The following PDS5A variants were observed in gnomAD, a reference collection of about 807,000 sequenced individuals.
The protein encoded by PDS5A is PDS5 cohesin associated factor A.
In PDS5A, 42 loss-of-function variants were observed where a neutral mutation model predicts 167.1. The ratio of observed to expected loss-of-function variants is 0.25; its 90% CI spans 0.20 to 0.33. PDS5A has a LOEUF of 0.33. Ranked by LOEUF, PDS5A falls within the 10% of genes least tolerant of loss-of-function variation. The probability of loss-of-function intolerance (pLI) is 1.00; values close to 1 mark genes in which losing one functional copy is unlikely to be tolerated. For synonymous variants in PDS5A, 553 were observed against 554.6 expected (o/e 1.00, Z 0.04); for missense variants, 1,033 against 1,605.9 (o/e 0.64, Z 6.10).
intron 26 of PDS5A, among the ~76,000 whole-genome samples, chr4:39,858,869 C>T (rs1243261058): frequency 1.3e-5 from 2 of 152,180 alleles, no homozygotes; most frequent in East Asian, 3.9e-4. Flanking sequence ...AGGTGATCCA[C>T]TGTGCCCGGC....
At chr4:39,859,455 T>G (rs1718804824) in intron 26 of PDS5A, among the ~76,000 whole-genome samples, 1 of 152,058 alleles carries the variant, frequency 6.6e-6, no homozygotes, top group African/African-American at 2.4e-5. Flanking sequence ...ATGAAAAACA[T>G]TAGTTGGAAC....
At chr4:39,948,805 A>G (rs189124788) in intron 2 of PDS5A, among the ~76,000 whole-genome samples, 1 of 151,476 alleles carries the variant, frequency 6.6e-6, no homozygotes, top group East Asian at 1.9e-4. Flanking sequence ...TTCTATTTTT[A>G]GTTGAGATGG....
At chr4:39,929,667 T>C (rs1466536996) in intron 2 of PDS5A, among the ~76,000 whole-genome samples, 1 of 149,460 alleles carries the variant, frequency 6.7e-6, no homozygotes, top group Admixed American at 6.7e-5. Flanking sequence ...AGAACCCTAA[T>C]ACAATCTGTC....
intron 2 of PDS5A, among the ~76,000 whole-genome samples, chr4:39,956,450 G>A (rs189651895): frequency 0.038 from 5,523 of 144,000 alleles, 149 homozygotes; most frequent in Non-Finnish European, 0.059. Context: ...CCAAGATTGC[G>A]CCACTGCACT....
At chr4:39,924,694 A>T (rs1022124406) in intron 5 of PDS5A, among the ~76,000 whole-genome samples, 4 of 152,268 alleles carry the variant, frequency 2.6e-5, no homozygotes, top group African/African-American at 9.6e-5. Flanking sequence ...TATATTATCA[A>T]TATGAATTTC....
At chr4:39,877,532 A>G (rs1356833297) in intron 18 of PDS5A, among the ~76,000 whole-genome samples, 1 of 152,242 alleles carries the variant, frequency 6.6e-6, no homozygotes, top group Non-Finnish European at 1.5e-5. Context: ...CTTACTTGAG[A>G]TAAAACCTCC....
At chr4:39,973,608 G>T (rs1309089651) in intron 2 of PDS5A, 2 of 1,284,210 alleles carry the variant, frequency 1.6e-6, no homozygotes, top group African/African-American at 1.5e-5. Context: ...TCTCCTTCCC[G>T]GAAGAAGCCA....
chr4:39,917,890 T>TA (rs1388407624), intron 7 of PDS5A, among the ~76,000 whole-genome samples: 1 of 143,006 alleles, frequency 7.0e-6, no homozygotes, highest in Non-Finnish European at 1.5e-5. Flanking sequence ...CTTTGATTTT[T>TA]AAAAAAATCA....
intron 2 of PDS5A, among the ~76,000 whole-genome samples, chr4:39,928,972 T>A (rs972626731): frequency 2.0e-5 from 3 of 151,912 alleles, no homozygotes; most frequent in Admixed American, 1.3e-4. Context: ...TGAAAAAAAA[T>A]AAAAGAAAAA....
chr4:39,872,494 G>A (rs537873723), intron 21 of PDS5A, among the ~76,000 whole-genome samples: 3 of 152,028 alleles, frequency 2.0e-5, no homozygotes, highest in South Asian at 2.1e-4. Flanking sequence ...GCGAAACCCC[G>A]TCTCTACTAA....
intron 8 of PDS5A, among the ~76,000 whole-genome samples, chr4:39,914,168 T>C (rs1388823451): frequency 6.6e-6 from 1 of 150,758 alleles, no homozygotes; most frequent in Middle Eastern, 3.4e-3. Flanking sequence ...ATTTGTTTTT[T>C]TTTTTTTTTT....
chr4:39,857,444 CAA>C (rs35735249), intron 26 of PDS5A, among the ~76,000 whole-genome samples: 2 of 149,618 alleles, frequency 1.3e-5, no homozygotes, highest in Non-Finnish European at 3.0e-5. Context: ...AAATACAAGA[CAA>C]AGAGGCAAAA....
chr4:39,949,208 AGGAGGATTGCTTGAATGCG>A (rs1332519882), intron 2 of PDS5A, among the ~76,000 whole-genome samples: 3 of 149,350 alleles, frequency 2.0e-5, no homozygotes, highest in African/African-American at 4.9e-5. Context: ...AAGCTGAGGC[AGGAGGATTGCTTGAATGCG>A]GGAGGTCGAG....
intron 2 of PDS5A, among the ~76,000 whole-genome samples, chr4:39,964,976 A>T (rs1291452525): frequency 6.6e-6 from 1 of 152,152 alleles, no homozygotes; most frequent in African/African-American, 2.4e-5. Context: ...ATAATAATTT[A>T]AAAGTACACA....
chr4:39,966,238 C>T (rs74377142), intron 2 of PDS5A, among the ~76,000 whole-genome samples: 1 of 152,294 alleles, frequency 6.6e-6, no homozygotes, highest in East Asian at 1.9e-4. Context: ...AAAATTATCA[C>T]ACTGTGTAGC....
At position 39,926,808 on chromosome 4, in the gene PDS5A, A is replaced by G. The variant is rs770862593; in HGVS notation, c.396T>C (p.Ser132=). Residue 132 remains serine, a synonymous_variant, in exon 4 of 33, where the codon AGT becomes AGC. Transcript: ENST00000303538. ...AATAAAAGTATCTATTAAACTGTGG[A>G]CTCTTTGTATCCTCCAAACCTTTTA... ...RQLKGLEDTK[S]PQFNRYFYLL... 3.5e-6 allele frequency: 5 copies of G among 1,426,214 alleles called. No homozygotes were observed. In the South Asian group the frequency reaches 4.4e-5, roughly 13 times the overall value. The allele number at this position is 1,426,214 out of a possible 1,614,324, so 88.3% of individuals were successfully genotyped here.
intron 2 of PDS5A, among the ~76,000 whole-genome samples, chr4:39,965,163 C>T (rs1013406384): frequency 3.3e-5 from 5 of 152,026 alleles, no homozygotes; most frequent in African/African-American, 4.8e-5. Flanking sequence ...GGTGATAATG[C>T]CATTTCTGGA....
In PDS5A at chr4:39,930,246, A is replaced by AAAAAAAAAAAAAAATTTTTTTTTT; in HGVS notation, c.139-2083_139-2082insAAAAAAAAAATTTTTTTTTTTTTT. Among the ~76,000 whole-genome samples, 11 of 93,090 alleles carry AAAAAAAAAAAAAAATTTTTTTTTT rather than the reference A, an allele frequency of 1.2e-4. 1 individual carries two copies. Among genetic ancestry groups the AAAAAAAAAAAAAAATTTTTTTTTT allele is most frequent in the Non-Finnish European group, 2.0e-4 (9 of 44,474 alleles). 61.1% of individuals were successfully genotyped at this position (93,090 alleles called of 152,430 possible). Reference sequence around the variant, plus strand: ...AAAAAAAAAAAAAAAAAAAAAAAAAAGTTTTTTTGTTTTTTGTTTTTTTTT... The same window carrying AAAAAAAAAAAAAAATTTTTTTTTT: ...AAAAAAAAAAAAAAAAAAAAAAAAAAAAAAAAAAAAAAAATTTTTTTTTTGTTTTTTTGTTTTTTGTTTTTTTTT... On this transcript the variant is annotated intron_variant, in intron 2 of 32. Transcript: ENST00000303538.
chr4:39,868,924 A>G (rs1193356680), intron 22 of PDS5A, among the ~76,000 whole-genome samples: 3 of 152,174 alleles, frequency 2.0e-5, no homozygotes, highest in Non-Finnish European at 4.4e-5. Flanking sequence ...ACAATTACCT[A>G]TCTTTGCCAA....
Sources: gnomAD v4.1 joint callset for allele counts (sites outside exome capture counted in the v4.1 genomes callset) on GRCh38, gnomAD v4.1.1 for gene constraint, MANE v1.5 for transcripts, NCBI Gene and HGNC (gene_info 2026-07-23, HGNC 2026-07-21) for gene names.